The following TAFA2 variants were observed in gnomAD, a reference collection of about 807,000 sequenced individuals.
TAFA2 encodes chemokine-like protein TAFA-2.
TAFA2 carries 7 observed loss-of-function variants against 18.8 expected under a neutral mutation model. The observed-to-expected ratio is 0.37, with a 90% CI of 0.21 to 0.70. The LOEUF is 0.70. Ranked by LOEUF, TAFA2 falls within the 30% of genes least tolerant of loss-of-function variation. The probability of loss-of-function intolerance (pLI) is 0.53; values close to 1 mark genes in which losing one functional copy is unlikely to be tolerated. For missense variants in TAFA2, 122 were observed against 158.1 expected (o/e 0.77, Z 1.23); for synonymous variants, 60 against 54.2 (o/e 1.11, Z -0.47).
At chr12:62,214,696 C>A (rs2062727194) in intron 1 of TAFA2, among the ~76,000 whole-genome samples, 1 of 152,110 alleles carries the variant, frequency 6.6e-6, no homozygotes, top group African/African-American at 2.4e-5. Flanking sequence ...CATGCACACA[C>A]ACAGCAATAT....
At chr12:62,095,103 AGT>A (rs1868891537) in intron 1 of TAFA2, among the ~76,000 whole-genome samples, 1 of 152,186 alleles carries the variant, frequency 6.6e-6, no homozygotes, top group Middle Eastern at 3.4e-3. Flanking sequence ...ACATAGTAAA[AGT>A]GTCCTTCGTA....
At position 62,238,471 on chromosome 12, in the gene TAFA2, A is replaced by G. The variant is rs562418801; in HGVS notation, c.-130+20292T>C. ...GCACTGTGCTAAATATTTTACCTAC[A>G]TTATCTCATTTAATCCTCCCAACAG... On this transcript the variant is annotated intron_variant, in intron 1 of 5. Transcript: ENST00000551619. Among the ~76,000 whole-genome samples, 3 of 152,282 alleles carry G rather than the reference A, an allele frequency of 2.0e-5. No individual in the cohort carries two copies. The South Asian group carries it at 6.2e-4, about 32-fold the overall frequency.
intron 2 of TAFA2, among the ~76,000 whole-genome samples, chr12:61,844,515 A>G (rs73308236): frequency 0.027 from 4,121 of 152,230 alleles, 191 homozygotes; most frequent in African/African-American, 0.093. Flanking sequence ...TGCCAAGATT[A>G]AGGTCTTAGT....
At chr12:61,861,404 C>T (rs1380298051) in intron 2 of TAFA2, among the ~76,000 whole-genome samples, 3 of 152,080 alleles carry the variant, frequency 2.0e-5, no homozygotes, top group Non-Finnish European at 4.4e-5. Flanking sequence ...CACAGGCCAG[C>T]GCACCTGGAT....
At chr12:62,021,474 C>A in intron 1 of TAFA2, 1 of 418,752 alleles carries the variant, frequency 2.4e-6, no homozygotes, top group Non-Finnish European at 4.5e-6. Flanking sequence ...CTGCATCATT[C>A]TTTTTTTTTT....
intron 1 of TAFA2, among the ~76,000 whole-genome samples, chr12:62,130,734 T>C (rs1406668485): frequency 2.0e-5 from 3 of 151,968 alleles, no homozygotes; most frequent in Non-Finnish European, 4.4e-5. Context: ...TACTTGAAAT[T>C]CACTGACCCA....
intron 1 of TAFA2, among the ~76,000 whole-genome samples, chr12:61,980,241 C>A (rs1018839612): frequency 6.6e-6 from 1 of 152,004 alleles, no homozygotes; most frequent in African/African-American, 2.4e-5. Context: ...AGTCCCTCGA[C>A]AAAATTCAAC....
chr12:62,128,039 G>A (rs1035107207), intron 1 of TAFA2, among the ~76,000 whole-genome samples: 1 of 151,936 alleles, frequency 6.6e-6, no homozygotes, highest in Non-Finnish European at 1.5e-5. Context: ...AAAATGGGTA[G>A]GGAATAAGAA....
At position 61,974,612 on chromosome 12, in the gene TAFA2, T is replaced by G. The variant is rs184176173; in HGVS notation, c.-1-107186A>C. ...GTCAGATGGGAAGACAAATTAAAAG[T>G]GCAATTTACACTGTTGCAGCAGCAG... On this transcript the variant is annotated intron_variant, in intron 1 of 4. Coordinates refer to ENST00000416284, the MANE Select transcript of TAFA2 (RefSeq NM_178539.5). Among the ~76,000 whole-genome samples, 400 of 151,900 alleles carry G rather than the reference T, an allele frequency of 2.6e-3. 7 individuals carry two copies. The highest frequency in any genetic ancestry group is 0.014 in the South Asian group (69 of 4,828).
intron 2 of TAFA2, among the ~76,000 whole-genome samples, chr12:61,842,088 CA>C (rs1331723800): frequency 6.6e-6 from 1 of 151,770 alleles, no homozygotes; most frequent in Non-Finnish European, 1.5e-5. Context: ...TCCATAAGGA[CA>C]TTTTTTTTTC....
chr12:61,719,453 C>T (rs995124703), intron 4 of TAFA2, among the ~76,000 whole-genome samples: 7 of 152,120 alleles, frequency 4.6e-5, no homozygotes, highest in Admixed American at 3.9e-4. Flanking sequence ...ATGGCTCCAC[C>T]TGGTCCCAAG....
intron 1 of TAFA2, among the ~76,000 whole-genome samples, chr12:62,227,460 A>G (rs988698230): frequency 6.6e-6 from 1 of 152,152 alleles, no homozygotes; most frequent in Non-Finnish European, 1.5e-5. Context: ...TCTTTTGCCC[A>G]TTTTAAAGTA....
chr12:61,740,230 C>A lies in TAFA2; in HGVS notation c.384+13392G>T, dbSNP rs1213630994. ...CCATCATTCTCAGCAAACACAGGAA[C>A]AGAAAACCAAAACACCACATGTTCT... On this transcript the variant is annotated intron_variant, in intron 4 of 4. Transcript: ENST00000416284. Among the ~76,000 whole-genome samples the A allele has an allele frequency of 4.0e-5, 6 of 151,836 alleles. No individual in the cohort carries two copies. In the East Asian group the frequency reaches 1.2e-3, roughly 30 times the overall value.
intron 1 of TAFA2, among the ~76,000 whole-genome samples, chr12:61,921,603 C>A (rs1291074025): frequency 6.6e-6 from 1 of 151,808 alleles, no homozygotes; most frequent in Non-Finnish European, 1.5e-5. Flanking sequence ...GCAGTGGGAT[C>A]AAGATTTCCA....
chr12:62,218,928 TAGA>T (rs2062748806), intron 1 of TAFA2, among the ~76,000 whole-genome samples: 1 of 152,166 alleles, frequency 6.6e-6, no homozygotes. Flanking sequence ...GCAAAGTAGC[TAGA>T]CATTATGACA....
rs191881668 is a variant in TAFA2 at position 62,206,445 on chromosome 12, A to G, written c.-130+52318T>C. On this transcript the variant is annotated intron_variant, in intron 1 of 5. Coordinates refer to the TAFA2 transcript ENST00000551619. The stretch of plus-strand genomic sequence containing the variant: ...ATTTATTATTGTTTTCACTTTAGAC[A>G]CAGAATTAATTCCAATGCTTTATTT... Among the ~76,000 whole-genome samples the G allele has an allele frequency of 6.0e-4, 91 of 152,348 alleles. 1 individual carries two copies. The highest frequency in any genetic ancestry group is 2.1e-3 in the African/African-American group (87 of 41,588).
intron 1 of TAFA2, among the ~76,000 whole-genome samples, chr12:62,142,740 A>T (rs541129563): frequency 1.1e-3 from 172 of 152,300 alleles, no homozygotes; most frequent in Middle Eastern, 6.8e-3. Context: ...ATCCTCTTTA[A>T]ATCTTGGTGG....
At chr12:62,107,953 G>T (rs1474595694) in intron 1 of TAFA2, among the ~76,000 whole-genome samples, 4 of 151,860 alleles carry the variant, frequency 2.6e-5, no homozygotes, top group African/African-American at 9.7e-5. Flanking sequence ...CCTTTTCATG[G>T]CTTTTTTACC....
chr12:62,226,537 C>T (rs751827533), intron 1 of TAFA2, among the ~76,000 whole-genome samples: 1 of 152,130 alleles, frequency 6.6e-6, no homozygotes, highest in Non-Finnish European at 1.5e-5. Context: ...CTCTCTGGGC[C>T]TTAACTACCA....
Sources: gnomAD v4.1 joint callset for allele counts (sites outside exome capture counted in the v4.1 genomes callset) on GRCh38, gnomAD v4.1.1 for gene constraint, MANE v1.5 for transcripts, NCBI Gene and HGNC (gene_info 2026-07-23, HGNC 2026-07-21) for gene names.